Variants in STX5 observed in about 807,000 individuals in gnomAD.
The protein encoded by STX5 is syntaxin-5.
In STX5, 15 loss-of-function variants were observed where a neutral mutation model predicts 42.9. The observed-to-expected ratio is 0.35, with a 90% CI of 0.23 to 0.54. STX5 has a LOEUF of 0.54. Among genes scored for constraint, STX5 ranks in the 20% least tolerant of loss-of-function variants. The pLI, the probability that STX5 is intolerant of heterozygous loss-of-function variation, is 0.91. For missense variants in STX5, 430 were observed against 455.0 expected (o/e 0.95, Z 0.50); for synonymous variants, 184 against 173.2 (o/e 1.06, Z -0.49).
chr11:62,823,186 T>TC, intron 10 of STX5, among the ~76,000 whole-genome samples: 1 of 152,162 alleles, frequency 6.6e-6, no homozygotes, highest in South Asian at 2.1e-4. Flanking sequence ...CTTTCTTTTT[T>TC]TTTTTTGAGA....
At chr11:62,818,874 G>A (rs561776137) in intron 10 of STX5, among the ~76,000 whole-genome samples, 5 of 147,882 alleles carry the variant, frequency 3.4e-5, no homozygotes, top group Non-Finnish European at 4.5e-5. Context: ...TTAAAAAAAA[G>A]AAAAAACAAC....
chr11:62,828,954 C>T (rs2084825584), intron 2 of STX5, among the ~76,000 whole-genome samples: 1 of 151,860 alleles, frequency 6.6e-6, no homozygotes, highest in Non-Finnish European at 1.5e-5. Context: ...TTCCCAGCTA[C>T]TTGGGAGGCT....
At chr11:62,820,909 C>T (rs951711643) in intron 10 of STX5, among the ~76,000 whole-genome samples, 6 of 152,148 alleles carry the variant, frequency 3.9e-5, no homozygotes, top group Admixed American at 3.9e-4. Flanking sequence ...AATTTGGTTG[C>T]TGCTCTTCTT....
chr11:62,831,432 C>G (rs2084862087), intron 1 of STX5, among the ~76,000 whole-genome samples, 170 bp from the exon 2 acceptor site: 1 of 152,056 alleles, frequency 6.6e-6, no homozygotes, highest in South Asian at 2.1e-4. Context: ...CCCCGCTTTT[C>G]CCCTGTCCCA....
intron 3 of STX5, 60 bp from the exon 4 acceptor site, chr11:62,827,458 T>C (rs932093706): frequency 6.2e-6 from 10 of 1,613,218 alleles, no homozygotes; most frequent in Non-Finnish European, 7.6e-6. Context: ...CCACATAAGC[T>C]CCAGCATAAC....
chr11:62,824,542 C>A lies in STX5; in HGVS notation c.703G>T (p.Ala235Ser), dbSNP rs201284859. ...HLGGGAVVLG[A>S]ESHASKDVAI... ...ACATCCTTGGAGGCATGGGACTCTG[C>A]CCCCAGAACCACAGCACCACCGCCT... The change falls in exon 9 of 11, where the codon GCA (alanine) becomes TCA (serine). Residue 235 changes from alanine to serine, a missense_variant. Ala to Ser is a moderately conservative substitution (Grantham distance 99). Transcript: ENST00000294179. 1 of 1,614,030 alleles carries A rather than the reference C, an allele frequency of 6.2e-7. No homozygotes were observed. Among genetic ancestry groups the A allele is most frequent in the Non-Finnish European group, 8.5e-7 (1 of 1,179,996 alleles).
intron 10 of STX5, among the ~76,000 whole-genome samples, chr11:62,816,742 A>G (rs1357015484): frequency 1.2e-4 from 5 of 40,978 alleles, no homozygotes; most frequent in Admixed American, 2.9e-4. Context: ...AAAAAAAAAA[A>G]GAAGAATTAG....
chr11:62,824,447 G>A lies in STX5; in HGVS notation c.786+12C>T, dbSNP rs1353692640. 3.1e-6 allele frequency: 5 copies of A among 1,613,994 alleles called. No individual in the cohort carries two copies. The highest frequency in any genetic ancestry group is 4.2e-6 in the Non-Finnish European group (5 of 1,179,976). The stretch of plus-strand genomic sequence containing the variant: ...GGAGAAGCTGATTCTACCTAGTTCA[G>A]AGCCTGGGTACCTGCTCGTCAATGA... On this transcript the variant is annotated intron_variant, in intron 9 of 10. Transcript: ENST00000294179.
intron 10 of STX5, among the ~76,000 whole-genome samples, chr11:62,809,554 G>A (rs1294665406): frequency 6.6e-6 from 1 of 150,458 alleles, no homozygotes; most frequent in Non-Finnish European, 1.5e-5. Flanking sequence ...GGCGCCTGTA[G>A]TCCCAGCTAC....
At chr11:62,829,920 C>T (rs925988436) in intron 2 of STX5, among the ~76,000 whole-genome samples, 3 of 151,790 alleles carry the variant, frequency 2.0e-5, no homozygotes, top group Admixed American at 6.6e-5. Flanking sequence ...CAAAAATTAG[C>T]CGGGCGTGGT....
chr11:62,830,326 G>C (rs1345800678), intron 2 of STX5: 9 of 297,150 alleles, frequency 3.0e-5, no homozygotes, highest in African/African-American at 1.5e-4. Context: ...ACAAATTACT[G>C]ATCTAGGGCC....
At chr11:62,812,319 C>T (rs541943084) in intron 10 of STX5, among the ~76,000 whole-genome samples, 4 of 151,686 alleles carry the variant, frequency 2.6e-5, no homozygotes, top group South Asian at 2.1e-4. Context: ...TCAGGTGGTC[C>T]GCCCGCCTCG....
chr11:62,814,971 T>C (rs1350046092), intron 10 of STX5, among the ~76,000 whole-genome samples: 1 of 152,014 alleles, frequency 6.6e-6, no homozygotes, highest in East Asian at 1.9e-4. Context: ...GGATATCACA[T>C]ATTAGGAAAT....
intron 2 of STX5, among the ~76,000 whole-genome samples, chr11:62,828,733 A>G (rs970819875): frequency 1.8e-5 from 2 of 108,928 alleles, no homozygotes; most frequent in African/African-American, 7.1e-5. Context: ...CTCAAAATAA[A>G]TAAATAAATA....
chr11:62,824,273 C>A lies in STX5; in HGVS notation c.801G>T (p.Gln267His). The A allele has an allele frequency of 6.2e-7, 1 of 1,614,196 alleles. No homozygotes were observed. The highest frequency in any genetic ancestry group is 2.2e-5 in the East Asian group (1 of 44,892). The change falls in exon 10 of 11, where the codon CAG becomes CAT. Residue 267 changes from glutamine (Q) to histidine (H), a missense_variant. Transcript: ENST00000294179. Reference protein sequence around the residue: ...QLIDEQDSYIQSRADTMQNIE... With the variant: ...QLIDEQDSYIHSRADTMQNIE... ...TGTTCTGCATGGTGTCTGCCCGACT[C>A]TGGATGTAGGAATCCTTCAGGAGAG... is the stretch of plus-strand genomic sequence containing the variant.
chr11:62,822,722 C>CTA (rs2084753430), intron 10 of STX5, among the ~76,000 whole-genome samples: 5 of 114,320 alleles, frequency 4.4e-5, no homozygotes, highest in Non-Finnish European at 9.2e-5. Flanking sequence ...TTTTAACATA[C>CTA]TATTTATTAT....
At chr11:62,830,511 A>G (rs1357433980) in intron 2 of STX5, 2 of 455,970 alleles carry the variant, frequency 4.4e-6, no homozygotes, top group Non-Finnish European at 8.8e-6. Flanking sequence ...TCACACCACT[A>G]CACTCCAGCC....
At position 62,827,180 on chromosome 11, in the gene STX5, T is replaced by G; in HGVS notation, c.398A>C (p.Glu133Ala). Residue 133 changes from glutamate (E) to alanine (A), a missense_variant, in exon 5 of 11, where the codon GAA (glutamate) becomes GCA (alanine). Physicochemically the swap from Glu to Ala is moderately radical, Grantham distance 107. Transcript: ENST00000294179. ...SLFDDKAVEIEELTYIIKQDI... is the reference protein window; with the variant it reads ...SLFDDKAVEIAELTYIIKQDI... Reference sequence around the variant, plus strand: ...CTGTTTGATGATATATGTTAGCTCTTCAATTTCCACTGCTTTATCATCAAA... The same window carrying G: ...CTGTTTGATGATATATGTTAGCTCTGCAATTTCCACTGCTTTATCATCAAA... 6.2e-7 allele frequency: 1 copy of G among 1,614,220 alleles called. No homozygotes were observed. The highest frequency in any genetic ancestry group is 8.5e-7 in the Non-Finnish European group (1 of 1,180,036).
At chr11:62,821,933 G>A (rs1032544396) in intron 10 of STX5, among the ~76,000 whole-genome samples, 1 of 152,132 alleles carries the variant, frequency 6.6e-6, no homozygotes, top group Non-Finnish European at 1.5e-5. Flanking sequence ...GGCTGAGGCA[G>A]GAGAATCACT....
Sources: allele counts gnomAD v4.1 joint callset (sites outside exome capture counted in the v4.1 genomes callset), GRCh38; gene constraint gnomAD v4.1.1; transcripts MANE v1.5; gene names NCBI Gene and HGNC (gene_info 2026-07-23, HGNC 2026-07-21).